PRKAA2: variants seen among roughly 807,000 people sequenced by gnomAD.
PRKAA2 encodes the protein 5'-AMP-activated protein kinase catalytic subunit alpha-2.
Under a neutral mutation model 56.3 loss-of-function variants are expected in PRKAA2, and 40 were observed. The observed-to-expected ratio is 0.71, with a 90% confidence interval of 0.55 to 0.92. The LOEUF (loss-of-function observed/expected upper bound fraction) is 0.92, where lower values mean the gene tolerates loss of function less well. Ranked by LOEUF, PRKAA2 falls within the 40% of genes least tolerant of loss-of-function variation. The pLI is 0.00. For missense variants in PRKAA2, 542 were observed against 686.9 expected, an observed-to-expected ratio of 0.79 and a Z score of 2.36; for synonymous variants, 214 against 234.2, an observed-to-expected ratio of 0.91 and a Z score of 0.79.
rs1442773327 is a variant in PRKAA2, at chr1:56,695,960, A to G, written c.589A>G (p.Ile197Val). 6.2e-7 allele frequency: 1 copy of G among 1,612,452 alleles called. No individual in the cohort carries two copies. The highest frequency in any genetic ancestry group is 8.5e-7 in the Non-Finnish European group (1 of 1,179,746). ...GRLYAGPEVD[I>V]WSCGVILYAL... ...ATTGTATGCAGGTCCTGAAGTTGAT[A>G]TCTGGAGCTGTGGTGTTATCTTGTA... is the stretch of plus-strand genomic sequence containing the variant. Residue 197 changes from isoleucine (I) to valine (V), a missense_variant, in exon 6 of 9, where the codon ATC becomes GTC. Physicochemically the swap from Ile to Val is conservative, Grantham distance 29 (BLOSUM62 3). Around this residue, in one of 5 missense-constraint regions of PRKAA2, gnomAD observed 121 missense variants for 210.0 expected, o/e 0.58. Transcript: ENST00000371244.
Position 56,707,961 on chromosome 1 carries a change from A to G in PRKAA2, c.*248A>G, listed in dbSNP as rs1274213730. The G allele has an allele frequency of 8.0e-6, 4 of 500,514 alleles. No homozygotes were observed. The highest frequency in any genetic ancestry group is 1.4e-5 in the Non-Finnish European group (4 of 281,338). The allele number at this position is 500,514 out of a possible 1,614,324, so 31.0% of individuals were successfully genotyped here. On this transcript the variant is annotated 3_prime_UTR_variant, in exon 9 of 9. Coordinates refer to ENST00000371244, the MANE Select transcript of PRKAA2 (RefSeq NM_006252.4). Reference sequence around the variant, plus strand: ...CAATATCTTTAATAGGTTAATATCAATGAAGATTTTTAATTACAATAATGA... The same window carrying G: ...CAATATCTTTAATAGGTTAATATCAGTGAAGATTTTTAATTACAATAATGA...
intron 1 of PRKAA2, among the ~76,000 whole-genome samples, chr1:56,658,978 T>G (rs1643970179): frequency 6.6e-6 from 1 of 151,038 alleles, no homozygotes; most frequent in South Asian, 2.1e-4. Flanking sequence ...ATTTTTTTTT[T>G]TTTTTGTAGA....
intron 3 of PRKAA2, 109 bp from the exon 4 acceptor site, chr1:56,692,249 C>A: frequency 7.5e-7 from 1 of 1,331,938 alleles, no homozygotes; most frequent in South Asian, 1.3e-5. Flanking sequence ...TCAGGCTGGT[C>A]TCAAACTCCT....
At chr1:56,656,485 G>T (rs1394560303) in intron 1 of PRKAA2, among the ~76,000 whole-genome samples, 6 of 152,094 alleles carry the variant, frequency 3.9e-5, no homozygotes, top group Non-Finnish European at 8.8e-5. Flanking sequence ...GACTACAAAT[G>T]GACATGTTAT....
chr1:56,696,003 C>G lies in PRKAA2; in HGVS notation c.632C>G (p.Thr211Ser). ...ATCTTGTATGCTCTTCTTTGTGGCACCCTCCCATTTGATGATGAGCATGTA... is the reference window on the plus strand; with the variant it reads ...ATCTTGTATGCTCTTCTTTGTGGCAGCCTCCCATTTGATGATGAGCATGTA... ...GVILYALLCG[T>S]LPFDDEHVPT... The change falls in exon 6 of 9, where the codon ACC becomes AGC. Residue 211 changes from threonine to serine, a missense_variant. Thr to Ser is a moderately conservative substitution (Grantham distance 58). Coordinates refer to ENST00000371244, the MANE Select transcript of PRKAA2 (RefSeq NM_006252.4). 6.2e-7 allele frequency: 1 copy of G among 1,611,268 alleles called. No homozygotes were observed. The highest frequency in any genetic ancestry group is 2.2e-5 in the East Asian group (1 of 44,808).
intron 2 of PRKAA2, among the ~76,000 whole-genome samples, chr1:56,685,965 A>T (rs1244302389): frequency 1.3e-5 from 2 of 152,244 alleles, no homozygotes; most frequent in African/African-American, 4.8e-5. Flanking sequence ...TATTGTGCAT[A>T]CACACATATA....
rs1029467085 is a variant in PRKAA2, at chr1:56,710,185, C to A, written c.*2472C>A. The A allele has an allele frequency of 5.9e-5, 9 of 151,956 alleles. No homozygotes were observed. The highest frequency in any genetic ancestry group is 1.2e-4 in the Non-Finnish European group (8 of 67,944). The allele number at this position is 151,956 out of a possible 1,614,324, so 9.4% of individuals were successfully genotyped here. On this transcript the variant is annotated 3_prime_UTR_variant, in exon 9 of 9. Coordinates refer to ENST00000371244, the MANE Select transcript of PRKAA2 (RefSeq NM_006252.4). ...AGAATAATTTCCTCCAGTGAAGACA[C>A]GGGAGAAGAGCTTCTATTATGAGGT...
intron 1 of PRKAA2, among the ~76,000 whole-genome samples, chr1:56,660,036 G>C (rs1049585045): frequency 2.0e-5 from 3 of 152,082 alleles, no homozygotes; most frequent in Non-Finnish European, 4.4e-5. Flanking sequence ...CCATTTTCCT[G>C]TCACCTTGTC....
At chr1:56,698,458 C>A (rs1644273482) in intron 6 of PRKAA2, among the ~76,000 whole-genome samples, 1 of 152,076 alleles carries the variant, frequency 6.6e-6, no homozygotes, top group Non-Finnish European at 1.5e-5. Flanking sequence ...AAATTAGGGA[C>A]CAATTATTAA....
chr1:56,697,842 T>A (rs1644268994), intron 6 of PRKAA2, among the ~76,000 whole-genome samples: 1 of 151,902 alleles, frequency 6.6e-6, no homozygotes, highest in Non-Finnish European at 1.5e-5. Flanking sequence ...ATGGTAATGA[T>A]TCATTGCTTT....
chr1:56,645,546 C>A, intron 1 of PRKAA2, 65 bp downstream of exon 1: 2 of 1,371,856 alleles, frequency 1.5e-6, no homozygotes, highest in Non-Finnish European at 9.6e-7. Flanking sequence ...AGGGGAGAGG[C>A]GGGAGCCCCG....
intron 1 of PRKAA2, among the ~76,000 whole-genome samples, chr1:56,657,323 G>A (rs976775857): frequency 2.0e-5 from 3 of 152,028 alleles, no homozygotes; most frequent in Admixed American, 6.6e-5. Flanking sequence ...TTTTACCTTC[G>A]AAGAGGTAAA....
chr1:56,661,898 TG>T (rs1244722363), intron 1 of PRKAA2, among the ~76,000 whole-genome samples: 3 of 4,758 alleles, frequency 6.3e-4, no homozygotes, highest in Non-Finnish European at 1.1e-3. Context: ...CAACCACAGG[TG>T]TTTTTTTTTC....
Position 56,672,539 on chromosome 1 carries a change from G to A in PRKAA2, c.95-1842G>A, listed in dbSNP as rs951618254. Among the ~76,000 whole-genome samples, 6 of 152,148 alleles carry A rather than the reference G, an allele frequency of 3.9e-5. No homozygotes were observed. The East Asian group carries it at 1.2e-3, about 29-fold the overall frequency. The stretch of plus-strand genomic sequence containing the variant: ...GGTGATAATTAAAACTATGGGAGAT[G>A]AATGACATAACATAAGGGTCTACCT... On this transcript the variant is annotated intron_variant, in intron 1 of 8. Coordinates refer to ENST00000371244, the MANE Select transcript of PRKAA2 (RefSeq NM_006252.4).
At position 56,706,114 on chromosome 1, in the gene PRKAA2, G is replaced by T. The variant is rs374865775; in HGVS notation, c.1316G>T (p.Arg439Leu). The T allele has an allele frequency of 1.9e-6, 3 of 1,610,480 alleles. No homozygotes were observed. In the Admixed American group the frequency reaches 5.0e-5, roughly 27 times the overall value. Residue 439 changes from arginine (R) to leucine (L), a missense_variant, in exon 8 of 9, where the codon CGT becomes CTT. By Grantham distance (102) the Arg-to-Leu change is moderately radical. This residue lies in a region of PRKAA2 where 158 missense variants were observed against 166.1 expected (regional missense o/e 0.95). Transcript: ENST00000371244. Reference sequence around the variant, plus strand: ...TAGGTAGTGAATGCATACCATCTTCGTGTAAGAAGAAAAAATCCAGTGACT... The same window carrying T: ...TAGGTAGTGAATGCATACCATCTTCTTGTAAGAAGAAAAAATCCAGTGACT... ...EWKVVNAYHL[R>L]VRRKNPVTGN...
chr1:56,660,303 A>T (rs1643983897), intron 1 of PRKAA2, among the ~76,000 whole-genome samples: 1 of 152,236 alleles, frequency 6.6e-6, no homozygotes. Flanking sequence ...GTACAAGTTC[A>T]TTCTCTTAAT....
chr1:56,674,320 G>C, intron 1 of PRKAA2, 61 bp from the exon 2 acceptor site: 2 of 1,385,958 alleles, frequency 1.4e-6, no homozygotes, highest in Non-Finnish European at 1.9e-6. Context: ...ATGGAAGGAA[G>C]CATGAATAAA....
rs545526063 is a variant in PRKAA2 at position 56,645,325 on chromosome 1, A to AGGCGGCGGC, written c.-53_-45dup. 8 of 1,333,298 alleles carry AGGCGGCGGC rather than the reference A, an allele frequency of 6.0e-6. No homozygotes were observed. The Admixed American group carries it at 1.3e-4, about 22-fold the overall frequency. The allele number at this position is 1,333,298 out of a possible 1,614,324, so 82.6% of individuals were successfully genotyped here. On this transcript the variant is annotated 5_prime_UTR_variant, in exon 1 of 9. Coordinates refer to ENST00000371244, the MANE Select transcript of PRKAA2 (RefSeq NM_006252.4). The stretch of plus-strand genomic sequence containing the variant: ...CCGCAGGGCCCGCTGCACTGTGGGT[A>AGGCGGCGGC]GGCGGCGGCGGCGGCGGCTACGCGG...
Position 56,703,966 on chromosome 1 carries a change from C to A in PRKAA2, c.789-5C>A. 1 of 1,592,716 alleles carries A rather than the reference C, an allele frequency of 6.3e-7. No individual in the cohort carries two copies. On this transcript the variant is annotated splice_polypyrimidine_tract_variant and splice_region_variant and intron_variant, in intron 6 of 8. Transcript: ENST00000371244. ...TACAATAATGTATTGTGGTGTTTTTCCTAGAGAGCATGAATGGTTTAAACA... is the reference window on the plus strand; with the variant it reads ...TACAATAATGTATTGTGGTGTTTTTACTAGAGAGCATGAATGGTTTAAACA...
Sources: gnomAD v4.1 joint callset for allele counts (sites outside exome capture counted in the v4.1 genomes callset) on GRCh38, gnomAD v4.1.1 for gene constraint, gnomAD v4.1.1 regional missense constraint, MANE v1.5 for transcripts, NCBI Gene and HGNC (gene_info 2026-07-23, HGNC 2026-07-21) for gene names.